The following ERCC6L2 variants were observed in gnomAD, a reference collection of about 807,000 sequenced individuals.
ERCC6L2 encodes ERCC excision repair 6 like 2.
ERCC6L2 carries 77 observed loss-of-function variants against 132.0 expected under a neutral mutation model. The observed-to-expected ratio is 0.58, with a 90% CI of 0.49 to 0.71. The LOEUF (loss-of-function observed/expected upper bound fraction) is 0.71, where lower values mean the gene tolerates loss of function less well. ERCC6L2 is among the 30% of genes least tolerant of loss of function. The probability of loss-of-function intolerance (pLI) is 0.00; values close to 1 mark genes in which losing one functional copy is unlikely to be tolerated. For missense variants in ERCC6L2, 1,542 were observed against 1,837.6 expected, an observed-to-expected ratio of 0.84 and a Z score of 2.94; for synonymous variants, 583 against 632.4, an observed-to-expected ratio of 0.92 and a Z score of 1.17.
At chr9:95,883,183 G>T (rs1263654339) in intron 2 of ERCC6L2, among the ~76,000 whole-genome samples, 1 of 152,156 alleles carries the variant, frequency 6.6e-6, no homozygotes, top group Non-Finnish European at 1.5e-5. Context: ...TCATTCATCA[G>T]ATTACTTCCT....
In ERCC6L2 at chr9:95,921,240, C is replaced by T. The variant is rs147361064; in HGVS notation, c.1224C>T (p.Asp408=). ...ATCAAACAGTGTTAGAAACAGAGGA[C>T]GTGACTTTGATACTTCAATCTTCTG... ...AVYQTVLETE[D]VTLILQSSEP... The change falls in exon 7 of 19, where the codon GAC becomes GAT. Residue 408 remains aspartate (D), a synonymous_variant. Coordinates refer to ENST00000653738, the MANE Select transcript of ERCC6L2 (RefSeq NM_020207.7). 1.5e-4 allele frequency: 237 copies of T among 1,613,198 alleles called. No homozygotes were observed. The African/African-American group carries it at 1.7e-3, about 12-fold the overall frequency.
At chr9:95,987,848 A>T (rs1833154071) in intron 17 of ERCC6L2, among the ~76,000 whole-genome samples, 1 of 152,170 alleles carries the variant, frequency 6.6e-6, no homozygotes. Context: ...CCTGCAGCAA[A>T]CGTCTGCCTG....
At chr9:96,030,715 A>AC (rs1208177798) in intron 19 of ERCC6L2, among the ~76,000 whole-genome samples, 1 of 151,428 alleles carries the variant, frequency 6.6e-6, no homozygotes, top group Non-Finnish European at 1.5e-5. Flanking sequence ...AAAAAAAAAA[A>AC]AAAAAGCTGT....
chr9:95,931,887 A>C (rs1250143761), intron 11 of ERCC6L2, among the ~76,000 whole-genome samples: 3 of 149,942 alleles, frequency 2.0e-5, no homozygotes, highest in Non-Finnish European at 4.4e-5. Flanking sequence ...TATTTCTTTA[A>C]CAATGGCCTT....
intron 17 of ERCC6L2, among the ~76,000 whole-genome samples, chr9:95,998,594 G>A (rs1432379113): frequency 6.6e-6 from 1 of 152,192 alleles, no homozygotes; most frequent in Non-Finnish European, 1.5e-5. Context: ...TAGAGAAGAA[G>A]GGTTGCTAGC....
chr9:95,900,779 TGTTTGTTAA>T, intron 3 of ERCC6L2, among the ~76,000 whole-genome samples: 1 of 152,346 alleles, frequency 6.6e-6, no homozygotes, highest in Non-Finnish European at 1.5e-5. Context: ...TATTTAATCA[TGTTTGTTAA>T]TTGCATTGTT....
chr9:95,982,138 A>C (rs1167933845), intron 17 of ERCC6L2, among the ~76,000 whole-genome samples: 1 of 152,166 alleles, frequency 6.6e-6, no homozygotes, highest in Non-Finnish European at 1.5e-5. Flanking sequence ...AACCTGGATT[A>C]ATAGTAAGCC....
At position 96,015,349 on chromosome 9, in the gene ERCC6L2, C is replaced by T. The variant is rs1834163069; in HGVS notation, c.*2146C>T. On this transcript the variant is annotated 3_prime_UTR_variant, in exon 19 of 19. Transcript: ENST00000653738. ...TACAGGTGCGTGCCACCACGCCCAG[C>T]TAATTTTTTTGTGTTTTTAGTAGGG... 6.6e-6 allele frequency among the ~76,000 whole-genome samples: 1 copy of T among 151,914 alleles called. No homozygotes were observed. The highest frequency in any genetic ancestry group is 6.6e-5 in the Admixed American group (1 of 15,262).
intron 19 of ERCC6L2, among the ~76,000 whole-genome samples, chr9:96,025,412 C>T (rs1429500645): frequency 2.6e-5 from 4 of 152,200 alleles, no homozygotes; most frequent in Non-Finnish European, 1.5e-5. Context: ...TTAACAGTGA[C>T]ACTGAGTGGG....
chr9:95,948,533 G>C (rs916423677), intron 12 of ERCC6L2, among the ~76,000 whole-genome samples: 1 of 151,848 alleles, frequency 6.6e-6, no homozygotes. Context: ...TGTGCCTGTG[G>C]TCCCAGCTAC....
intron 15 of ERCC6L2, 61 bp downstream of exon 15, chr9:95,970,717 G>A: frequency 4.4e-6 from 5 of 1,131,148 alleles, no homozygotes; most frequent in Non-Finnish European, 5.7e-6. Flanking sequence ...TGACAATTTT[G>A]TTTCTTTTCC....
At chr9:96,001,761 G>A (rs1228552260) in intron 17 of ERCC6L2, among the ~76,000 whole-genome samples, 2 of 152,256 alleles carry the variant, frequency 1.3e-5, no homozygotes, top group Non-Finnish European at 2.9e-5. Context: ...GGGCGCCGTG[G>A]AGCAGGGGGT....
chr9:96,013,196 C>G lies in ERCC6L2; in HGVS notation c.4646C>G (p.Thr1549Ser). Residue 1549 changes from threonine to serine, a missense_variant, in exon 19 of 19, where the codon ACC (threonine) becomes AGC (serine). By Grantham distance (58) the Thr-to-Ser change is moderately conservative. Coordinates refer to ENST00000653738, the MANE Select transcript of ERCC6L2 (RefSeq NM_020207.7). ...TDENATNTQS[T>S]T is the part of the protein sequence containing the mutation. ...GAAAACGCAACCAATACACAGAGTA[C>G]CACATAAGCATATAAATGAATTACT... is the stretch of plus-strand genomic sequence containing the variant. 7.4e-7 allele frequency: 1 copy of G among 1,353,946 alleles called. No homozygotes were observed. The highest frequency in any genetic ancestry group is 1.2e-5 in the South Asian group (1 of 86,008). 83.9% of individuals were successfully genotyped at this position (1,353,946 alleles called of 1,614,324 possible). A position where few individuals can be genotyped will look rare whatever the true frequency, so the allele number is the denominator to read the frequency against.
chr9:96,035,067 C>G (rs79487009), intron 19 of ERCC6L2, among the ~76,000 whole-genome samples: 1 of 152,088 alleles, frequency 6.6e-6, no homozygotes, highest in Non-Finnish European at 1.5e-5. Flanking sequence ...TCTACCACAC[C>G]CCCCATCCCT....
intron 13 of ERCC6L2, among the ~76,000 whole-genome samples, chr9:95,956,241 G>A (rs1831594036): frequency 6.6e-6 from 1 of 152,128 alleles, no homozygotes; most frequent in African/African-American, 2.4e-5. Context: ...TAGTGTACAT[G>A]CGAATTACCA....
chr9:95,959,422 A>G (rs1831791938), intron 13 of ERCC6L2, among the ~76,000 whole-genome samples: 1 of 151,784 alleles, frequency 6.6e-6, no homozygotes. Context: ...AAAACCATAA[A>G]AACCCTAGAA....
chr9:96,020,415 T>C (rs921242443), downstream of ERCC6L2: 5 of 273,634 alleles, frequency 1.8e-5, no homozygotes, highest in East Asian at 1.0e-4. Context: ...GGCCAAATCA[T>C]AGGGCAGGTC....
At chr9:95,948,899 T>C (rs1435125542) in intron 12 of ERCC6L2, among the ~76,000 whole-genome samples, 1 of 151,368 alleles carries the variant, frequency 6.6e-6, no homozygotes, top group Non-Finnish European at 1.5e-5. Flanking sequence ...AAAACAGGCA[T>C]TGGAGCTACT....
At chr9:95,973,599 T>A (rs988306191) in intron 16 of ERCC6L2, among the ~76,000 whole-genome samples, 9 of 152,070 alleles carry the variant, frequency 5.9e-5, no homozygotes, top group African/African-American at 2.2e-4. Context: ...GGGGAACTCC[T>A]CTTTATAACA....
Sources: allele counts gnomAD v4.1 joint callset (sites outside exome capture counted in the v4.1 genomes callset), GRCh38; gene constraint gnomAD v4.1.1; transcripts MANE v1.5; gene names NCBI Gene and HGNC (gene_info 2026-07-23, HGNC 2026-07-21).